Variants in FAM220A observed in about 807,000 individuals in gnomAD.
FAM220A encodes protein FAM220A.
For synonymous variants in FAM220A, 141 were observed against 130.7 expected, an observed-to-expected ratio of 1.08 and a Z score of -0.54; for missense variants, 392 against 321.6, an observed-to-expected ratio of 1.22 and a Z score of -1.68.
intron 1 of FAM220A, among the ~76,000 whole-genome samples, chr7:6,344,076 T>C (rs1290177105): frequency 6.6e-6 from 1 of 151,154 alleles, no homozygotes; most frequent in Non-Finnish European, 1.5e-5. Context: ...GTAGTGATGG[T>C]GTCTCACTAT....
intron 1 of FAM220A, among the ~76,000 whole-genome samples, chr7:6,342,677 C>G (rs1781885548): frequency 6.6e-6 from 1 of 152,126 alleles, no homozygotes; most frequent in Non-Finnish European, 1.5e-5. Flanking sequence ...TAACATTATT[C>G]ACAATAGCCA....
At chr7:6,344,385 C>T (rs1781920044) in intron 1 of FAM220A, among the ~76,000 whole-genome samples, 1 of 152,164 alleles carries the variant, frequency 6.6e-6, no homozygotes, top group Admixed American at 6.6e-5. Flanking sequence ...GACATGGCTG[C>T]TTGTTGCACT....
chr7:6,339,920 T>C (rs1324552234), intron 1 of FAM220A, among the ~76,000 whole-genome samples: 2 of 152,072 alleles, frequency 1.3e-5, no homozygotes, highest in African/African-American at 4.8e-5. Context: ...AGTCTCACTC[T>C]GCCGCCCAGG....
At chr7:6,331,564 T>C (rs754291359) in intron 1 of FAM220A, among the ~76,000 whole-genome samples, 11 of 152,010 alleles carry the variant, frequency 7.2e-5, no homozygotes, top group Non-Finnish European at 1.5e-4. Context: ...GTATTTTTAA[T>C]AGAGACAAGG....
At chr7:6,341,600 G>A (rs940721437) in intron 1 of FAM220A, among the ~76,000 whole-genome samples, 1 of 148,902 alleles carries the variant, frequency 6.7e-6, no homozygotes, top group South Asian at 2.1e-4. Flanking sequence ...TGAGGCAGGG[G>A]AATGGCGTGA....
intron 1 of FAM220A, among the ~76,000 whole-genome samples, chr7:6,341,133 G>C (rs142435565): frequency 0.013 from 1,787 of 142,790 alleles, 20 homozygotes; most frequent in South Asian, 0.039. Context: ...GACACAGCAA[G>C]ACTCTGTCCC....
At chr7:6,335,971 G>T (rs772833908) in intron 1 of FAM220A, among the ~76,000 whole-genome samples, 1 of 152,000 alleles carries the variant, frequency 6.6e-6, no homozygotes, top group South Asian at 2.1e-4. Context: ...ACAGGAGTTC[G>T]AGATCAGCCT....
At position 6,331,140 on chromosome 7, in the gene FAM220A, T is replaced by C. The variant is rs1281677683; in HGVS notation, c.15A>G (p.Arg5=). Residue 5 remains arginine (R), a synonymous_variant, in exon 2 of 2, where the codon AGA becomes AGG. Transcript: ENST00000313324. The stretch of plus-strand genomic sequence containing the variant: ...GTGCCAGGCAGGTGCCGAGGGGCCC[T>C]CTTCTGTCCCTCATGCTTCGTGTTC... MRDR[R]GPLGTCLAQV... 3.1e-6 allele frequency: 5 copies of C among 1,612,326 alleles called. No homozygotes were observed. The South Asian group carries it at 4.4e-5, about 14-fold the overall frequency.
Position 6,330,006 on chromosome 7 carries a change from TGGGTG to T in FAM220A, c.*364_*368del. The T allele has an allele frequency of 4.2e-6, 1 of 236,328 alleles. No homozygotes were observed. The highest frequency in any genetic ancestry group is 8.9e-6 in the Non-Finnish European group (1 of 112,950). The allele number at this position is 236,328 out of a possible 1,614,324, so 14.6% of individuals were successfully genotyped here. On this transcript the variant is annotated 3_prime_UTR_variant, in exon 2 of 2. Transcript: ENST00000313324. Reference sequence around the variant, plus strand: ...AGACTTTACAAGTATCCACTTCCATTGGGTGATCAGACAAGTCAAAAGGACACACA... The same window carrying T: ...AGACTTTACAAGTATCCACTTCCATTATCAGACAAGTCAAAAGGACACACA...
rs761354046 is a variant in FAM220A, at chr7:6,331,101, G to A, written c.54C>T (p.Ala18=). ...ATAGTTTGTCCGAGTCACCTCCTCC[G>A]GCCTGCTGCACTTGTGCCAGGCAGG... is the stretch of plus-strand genomic sequence containing the variant. ...LGTCLAQVQQ[A]GGGDSDKLSC... Residue 18 remains alanine, a synonymous_variant, in exon 2 of 2, where the codon GCC becomes GCT. Transcript: ENST00000313324. The A allele has an allele frequency of 3.2e-5, 52 of 1,613,268 alleles. No individual in the cohort carries two copies. In the East Asian group the frequency reaches 6.9e-4, roughly 21 times the overall value.
rs1562450174 is a variant in FAM220A at position 6,347,882 on chromosome 7, C to CA, written c.-82+690_-82+691insT. Among the ~76,000 whole-genome samples, 629 of 92,076 alleles carry CA rather than the reference C, an allele frequency of 6.8e-3. 5 individuals are homozygous for CA. Among genetic ancestry groups the CA allele is most frequent in the African/African-American group, 0.024 (598 of 25,044 alleles). The allele number at this position is 92,076 out of a possible 152,430, so 60.4% of individuals were successfully genotyped here. A position where few individuals can be genotyped will look rare whatever the true frequency, so the allele number is the denominator to read the frequency against. On this transcript the variant is annotated intron_variant, in intron 1 of 1. Coordinates refer to ENST00000313324, the MANE Select transcript of FAM220A (RefSeq NM_001037163.2). ...CAGCCTGGGCAACATAACGAGACCC[C>CA]TTTATTATTATTATTATTATTATTA...
chr7:6,344,763 C>T (rs769268598), intron 1 of FAM220A, among the ~76,000 whole-genome samples: 3 of 151,876 alleles, frequency 2.0e-5, no homozygotes, highest in South Asian at 2.1e-4. Context: ...TTTTTGGAGA[C>T]GGAGTCTCAC....
chr7:6,330,290 A>C lies in FAM220A; in HGVS notation c.*85T>G. 1 of 1,305,334 alleles carries C rather than the reference A, an allele frequency of 7.7e-7. No individual in the cohort carries two copies. Among genetic ancestry groups the C allele is most frequent in the South Asian group, 1.4e-5 (1 of 69,732 alleles). 80.9% of individuals were successfully genotyped at this position (1,305,334 alleles called of 1,614,324 possible). ...ACTACAGCAGGAACCTAAGGGCTGC[A>C]CAGTTTGCATCCAGACTTAATGCGA... On this transcript the variant is annotated 3_prime_UTR_variant, in exon 2 of 2. Transcript: ENST00000313324.
intron 1 of FAM220A, among the ~76,000 whole-genome samples, chr7:6,342,987 T>C (rs1781890445): frequency 6.7e-6 from 1 of 149,484 alleles, no homozygotes; most frequent in African/African-American, 2.5e-5. Context: ...TAGTGAGCTA[T>C]GATCGCACCA....
At chr7:6,334,065 A>C (rs972151799) in intron 1 of FAM220A, among the ~76,000 whole-genome samples, 1 of 150,580 alleles carries the variant, frequency 6.6e-6, no homozygotes, top group East Asian at 2.0e-4. Context: ...CCAGGATGGA[A>C]TCTATCTCCT....
chr7:6,346,591 G>A (rs188365217), intron 1 of FAM220A, among the ~76,000 whole-genome samples: 468 of 152,238 alleles, frequency 3.1e-3, no homozygotes, highest in Admixed American at 8.1e-3. Context: ...CTGTAGCCCA[G>A]GGTGGTCTCA....
At chr7:6,346,217 C>A (rs1310091372) in intron 1 of FAM220A, among the ~76,000 whole-genome samples, 2 of 152,110 alleles carry the variant, frequency 1.3e-5, no homozygotes, top group Non-Finnish European at 2.9e-5. Context: ...TACCAGTCCC[C>A]TGAACTGACA....
intron 1 of FAM220A, among the ~76,000 whole-genome samples, chr7:6,348,232 A>AG (rs11408091): frequency 0.22 from 31,442 of 145,154 alleles, 4,183 homozygotes; most frequent in East Asian, 0.52. Context: ...ATTAAAAATA[A>AG]GGGGGGGGGT....
chr7:6,329,422 ATATT>A lies in FAM220A; in HGVS notation c.*949_*952del, dbSNP rs1781582757. ...CAAGACCACACATATAAAATAAGAC[ATATT>A]TATTAAGCTAAAGAACAAATTTTAT... On this transcript the variant is annotated 3_prime_UTR_variant, in exon 2 of 2. Transcript: ENST00000313324. 2.0e-5 allele frequency: 3 copies of A among 152,560 alleles called. No homozygotes were observed. Among genetic ancestry groups the A allele is most frequent in the South Asian group, 4.1e-4 (2 of 4,824 alleles). The allele number at this position is 152,560 out of a possible 1,614,324, so 9.5% of individuals were successfully genotyped here.
Sources: allele counts gnomAD v4.1 joint callset (sites outside exome capture counted in the v4.1 genomes callset), GRCh38; gene constraint gnomAD v4.1.1; transcripts MANE v1.5; gene names NCBI Gene and HGNC (gene_info 2026-07-23, HGNC 2026-07-21).